Variants in GRM3 observed in about 807,000 individuals in gnomAD.
GRM3 encodes glutamate metabotropic receptor 3.
A neutral mutation model predicts 70.5 loss-of-function variants in GRM3; 26 were observed. That is an observed-to-expected ratio of 0.37 (90% CI 0.27 to 0.51). GRM3 has a LOEUF of 0.51. Among genes scored for constraint, GRM3 ranks in the 20% least tolerant of loss-of-function variants. GRM3 has a pLI of 0.93. For synonymous variants in GRM3, 443 were observed against 434.9 expected, an observed-to-expected ratio of 1.02 and a Z score of -0.23; for missense variants, 859 against 1,123.8, an observed-to-expected ratio of 0.76 and a Z score of 3.37.
intron 1 of GRM3, among the ~76,000 whole-genome samples, chr7:86,728,465 A>G (rs533773129): frequency 4.6e-5 from 7 of 152,232 alleles, no homozygotes; most frequent in Admixed American, 6.5e-5. Flanking sequence ...TTAGGAAACT[A>G]TAGTCAACTC....
chr7:86,700,250 G>A lies in GRM3; in HGVS notation c.-141+55378G>A, dbSNP rs1794918832. Among the ~76,000 whole-genome samples the A allele has an allele frequency of 2.0e-5, 3 of 151,914 alleles. No homozygotes were observed. The South Asian group carries it at 6.2e-4, about 32-fold the overall frequency. On this transcript the variant is annotated intron_variant, in intron 1 of 5. Coordinates refer to ENST00000361669, the MANE Select transcript of GRM3 (RefSeq NM_000840.3). ...ACTTATTTTAGATGGATCTAAACAG[G>A]AAGCCAATTCATAATCAAAAAATAA...
Position 86,839,003 on chromosome 7 carries a change from A to G in GRM3, c.1489A>G (p.Ile497Val), listed in dbSNP as rs1285913413. The change falls in exon 4 of 6, where the codon ATC becomes GTC. Residue 497 changes from isoleucine (I) to valine (V), a missense_variant. Ile to Val is a conservative substitution (Grantham distance 29). Transcript: ENST00000361669. The surrounding 1 kb of genome is among the most constrained non-coding windows in gnomAD (Gnocchi z 4.5). Reference protein sequence around the residue: ...AETLSLDVNSIHWSRNSVPTS... With the variant: ...AETLSLDVNSVHWSRNSVPTS... ...AACCTTATCGCTAGATGTCAACTCT[A>G]TCCACTGGTCCCGGAACTCAGTCCC... 1 of 1,614,120 alleles carries G rather than the reference A, an allele frequency of 6.2e-7. No individual in the cohort carries two copies. The highest frequency in any genetic ancestry group is 8.5e-7 in the Non-Finnish European group (1 of 1,179,982).
At chr7:86,767,977 T>C (rs1796648575) in intron 2 of GRM3, among the ~76,000 whole-genome samples, 1 of 152,152 alleles carries the variant, frequency 6.6e-6, no homozygotes, top group Non-Finnish European at 1.5e-5. Flanking sequence ...TTTTCATTTA[T>C]CTGGTCAATA....
intron 1 of GRM3, among the ~76,000 whole-genome samples, chr7:86,744,592 T>C (rs1319719495): frequency 6.6e-6 from 1 of 151,846 alleles, no homozygotes; most frequent in African/African-American, 2.4e-5. Flanking sequence ...GCTTAAAACC[T>C]TTTGCTGCCA....
chr7:86,680,147 A>G (rs765829642), intron 1 of GRM3, among the ~76,000 whole-genome samples: 1 of 152,130 alleles, frequency 6.6e-6, no homozygotes, highest in Non-Finnish European at 1.5e-5. Flanking sequence ...AAGGCACATG[A>G]GGTTCTAGAA....
chr7:86,784,157 T>C (rs1797157774), intron 2 of GRM3: 2 of 152,212 alleles, frequency 1.3e-5, no homozygotes, highest in African/African-American at 4.8e-5. Context: ...TTGTAAATTA[T>C]TCTCGTACAT....
At chr7:86,663,302 G>T (rs1793945805) in intron 1 of GRM3, among the ~76,000 whole-genome samples, 1 of 151,928 alleles carries the variant, frequency 6.6e-6, no homozygotes, top group South Asian at 2.1e-4. Flanking sequence ...CCAGAACAAG[G>T]CAGTGGTGAA....
At chr7:86,696,682 T>C (rs1341478127) in intron 1 of GRM3, among the ~76,000 whole-genome samples, 1 of 151,408 alleles carries the variant, frequency 6.6e-6, no homozygotes, top group Admixed American at 6.6e-5. Context: ...CTTTTGGTTC[T>C]TCTGTAGTAA....
intron 3 of GRM3, among the ~76,000 whole-genome samples, chr7:86,828,264 A>G (rs1798283941): frequency 6.6e-6 from 1 of 152,146 alleles, no homozygotes; most frequent in Admixed American, 6.6e-5. Flanking sequence ...AAAAAATCAC[A>G]ACGAGATACC....
At position 86,839,042 on chromosome 7, in the gene GRM3, A is replaced by G. The variant is rs773795841; in HGVS notation, c.1528A>G (p.Ser510Gly). ...GAACTCAGTCCCCACTTCCCAGTGC[A>G]GCGACCCCTGTGCCCCCAATGAAAT... ...SRNSVPTSQCSDPCAPNEMKN... is the reference protein window; with the variant it reads ...SRNSVPTSQCGDPCAPNEMKN... Residue 510 changes from serine (S) to glycine (G), a missense_variant, in exon 4 of 6, where the codon AGC (serine) becomes GGC (glycine). Coordinates refer to ENST00000361669, the MANE Select transcript of GRM3 (RefSeq NM_000840.3). The surrounding 1 kb of genome is among the most constrained non-coding windows in gnomAD (Gnocchi z 4.5). 1.2e-6 allele frequency: 2 copies of G among 1,613,954 alleles called. No individual in the cohort carries two copies. The highest frequency in any genetic ancestry group is 1.7e-6 in the Non-Finnish European group (2 of 1,179,946).
intron 3 of GRM3, among the ~76,000 whole-genome samples, chr7:86,817,348 C>T (rs1211115817): frequency 6.6e-6 from 1 of 151,930 alleles, no homozygotes; most frequent in African/African-American, 2.4e-5. Flanking sequence ...TTTTAGATTT[C>T]CTGTAGGGAA....
intron 1 of GRM3, among the ~76,000 whole-genome samples, chr7:86,656,052 A>C (rs1464667705): frequency 6.6e-6 from 1 of 152,068 alleles, no homozygotes; most frequent in African/African-American, 2.4e-5. Flanking sequence ...GATTCCTTTC[A>C]GTAGTGACTG....
chr7:86,786,592 CCAACGCG>C lies in GRM3; in HGVS notation c.802_808del (p.Asn268AlafsTer125). The C allele has an allele frequency of 6.2e-7, 1 of 1,613,728 alleles. No individual in the cohort carries two copies. On this transcript the variant is annotated frameshift_variant, in exon 3 of 6. Coordinates refer to ENST00000361669, the MANE Select transcript of GRM3 (RefSeq NM_000840.3). LOFTEE classifies it high-confidence loss of function. The surrounding 1 kb of genome is among the most constrained non-coding windows in gnomAD (Gnocchi z 6.0). ...GTGATCCGAGAACTGTTGCAGAAGCCCAACGCGCGCGTCGTGGTCCTCTTCATGCGCA... is the reference window on the plus strand; with the variant it reads ...GTGATCCGAGAACTGTTGCAGAAGCCCGCGTCGTGGTCCTCTTCATGCGCA...
chr7:86,839,491 G>A lies in GRM3; in HGVS notation c.1977G>A (p.Leu659=), dbSNP rs2116737618. ...GSSFAICYSA[L]LTKTNCIARI... is the part of the protein sequence containing the mutation. ...CCTTCGCTATCTGTTACTCAGCCCT[G>A]CTGACCAAGACAAACTGCATTGCCC... Residue 659 remains leucine, a synonymous_variant, in exon 4 of 6, where the codon CTG becomes CTA. Coordinates refer to ENST00000361669, the MANE Select transcript of GRM3 (RefSeq NM_000840.3). The surrounding 1 kb of genome is among the most constrained non-coding windows in gnomAD (Gnocchi z 4.5). The A allele has an allele frequency of 3.1e-6, 5 of 1,610,220 alleles. No individual in the cohort carries two copies. Among genetic ancestry groups the A allele is most frequent in the Non-Finnish European group, 4.2e-6 (5 of 1,177,816 alleles).
chr7:86,725,027 C>G (rs987679602), intron 1 of GRM3, among the ~76,000 whole-genome samples: 1 of 152,036 alleles, frequency 6.6e-6, no homozygotes, highest in Admixed American at 6.6e-5. Flanking sequence ...CCAGATAATT[C>G]TTATCATTAG....
chr7:86,809,042 G>T (rs993079862), intron 3 of GRM3, among the ~76,000 whole-genome samples: 1 of 151,982 alleles, frequency 6.6e-6, no homozygotes, highest in East Asian at 1.9e-4. Flanking sequence ...ATCAGAAAAA[G>T]CTAATAAAGA....
rs78993765 is a variant in GRM3, at chr7:86,850,886, C to A, written c.2566+342C>A. ...TTAATAGATAACTTCAAACAAGTCACTCTATTGCTTTCTGCCTCATTTTAC... is the reference window on the plus strand; with the variant it reads ...TTAATAGATAACTTCAAACAAGTCAATCTATTGCTTTCTGCCTCATTTTAC... On this transcript the variant is annotated intron_variant, in intron 5 of 5. Coordinates refer to ENST00000361669, the MANE Select transcript of GRM3 (RefSeq NM_000840.3). Among the ~76,000 whole-genome samples, 303 of 152,260 alleles carry A rather than the reference C, an allele frequency of 2.0e-3. 5 individuals carry two copies. The East Asian group carries it at 0.036, about 18-fold the overall frequency.
intron 1 of GRM3, among the ~76,000 whole-genome samples, chr7:86,694,460 C>T (rs1247966046): frequency 3.7e-5 from 5 of 136,904 alleles, no homozygotes; most frequent in Admixed American, 8.1e-5. Flanking sequence ...TGCAGTTAGC[C>T]GAGATGGCAC....
At chr7:86,852,676 G>A (rs1798776150) in intron 5 of GRM3, among the ~76,000 whole-genome samples, 1 of 152,236 alleles carries the variant, frequency 6.6e-6, no homozygotes, top group African/African-American at 2.4e-5. Flanking sequence ...AATCAATGAA[G>A]TAGTACCATG....
Sources: allele counts gnomAD v4.1 joint callset (sites outside exome capture counted in the v4.1 genomes callset), GRCh38; gene constraint gnomAD v4.1.1; non-coding constraint Gnocchi (gnomAD v3.1); transcripts MANE v1.5; gene names NCBI Gene and HGNC (gene_info 2026-07-23, HGNC 2026-07-21).